CNTNAP4: variants seen among roughly 807,000 people sequenced by gnomAD.
The protein encoded by CNTNAP4 is contactin associated protein family member 4.
In CNTNAP4, 98 loss-of-function variants were observed where a neutral mutation model predicts 148.4. The observed-to-expected ratio is 0.66, with a 90% confidence interval of 0.56 to 0.78. The LOEUF (loss-of-function observed/expected upper bound fraction) is 0.78, where lower values mean the gene tolerates loss of function less well. Ranked by LOEUF, CNTNAP4 falls within the 30% of genes least tolerant of loss-of-function variation. The pLI is 0.00. For missense variants in CNTNAP4, 1,935 were observed against 1,565.6 expected, an observed-to-expected ratio of 1.24 and a Z score of -3.98; for synonymous variants, 730 against 565.1, an observed-to-expected ratio of 1.29 and a Z score of -4.14.
At chr16:76,478,660 G>A (rs747478349) in intron 11 of CNTNAP4, among the ~76,000 whole-genome samples, 4 of 152,142 alleles carry the variant, frequency 2.6e-5, no homozygotes, top group Non-Finnish European at 4.4e-5. Context: ...ATACACAAGT[G>A]TATTAATATG....
chr16:76,355,486 A>T lies in CNTNAP4; in HGVS notation c.365A>T (p.Gln122Leu). 1.2e-6 allele frequency: 2 copies of T among 1,609,732 alleles called. No individual in the cohort carries two copies. Among genetic ancestry groups the T allele is most frequent in the Non-Finnish European group, 1.7e-6 (2 of 1,178,150 alleles). The part of the protein sequence containing the change: ...MFSDSGWNWK[Q>L]YRQEDSIWGF... ...AGTGATAGTGGCTGGAACTGGAAACAATATCGCCAAGAGGACAGCATCTGG... is the reference window on the plus strand; with the variant it reads ...AGTGATAGTGGCTGGAACTGGAAACTATATCGCCAAGAGGACAGCATCTGG... Residue 122 changes from glutamine (Q) to leucine (L), a missense_variant, in exon 3 of 24, where the codon CAA (glutamine) becomes CTA (leucine). Physicochemically the swap from Gln to Leu is moderately radical, Grantham distance 113 (BLOSUM62 -2). Transcript: ENST00000611870.
intron 4 of CNTNAP4, among the ~76,000 whole-genome samples, chr16:76,446,942 A>G (rs983907058): frequency 3.3e-5 from 5 of 152,196 alleles, no homozygotes; most frequent in Non-Finnish European, 1.5e-5. Context: ...TTGATTGTGA[A>G]ATATGCAAAG....
At chr16:76,417,906 A>G (rs1197036691) in intron 3 of CNTNAP4, among the ~76,000 whole-genome samples, 1 of 151,662 alleles carries the variant, frequency 6.6e-6, no homozygotes, top group Non-Finnish European at 1.5e-5. Context: ...TCAATGCTTT[A>G]CATATTTTAC....
intron 3 of CNTNAP4, among the ~76,000 whole-genome samples, chr16:76,414,227 GC>G (rs2144940243): frequency 6.6e-6 from 1 of 151,278 alleles, no homozygotes; most frequent in South Asian, 2.1e-4. Flanking sequence ...TGCCTGCTGG[GC>G]TAAGAATTTT....
rs146323597 is a variant in CNTNAP4, at chr16:76,435,799, G to A, written c.538+8200G>A. Among the ~76,000 whole-genome samples the A allele has an allele frequency of 9.3e-3, 1,418 of 152,158 alleles. 15 individuals carry two copies. Among genetic ancestry groups the A allele is most frequent in the Non-Finnish European group, 0.014 (975 of 67,988 alleles). The stretch of plus-strand genomic sequence containing the variant: ...TTTCAGCTAACTAAGCAAATAAGCT[G>A]TTAGAACCTTTTTTAAAACTCCCTA... On this transcript the variant is annotated intron_variant, in intron 4 of 23. Coordinates refer to ENST00000611870, the MANE Select transcript of CNTNAP4 (RefSeq NM_033401.5).
chr16:76,440,829 G>T (rs2080009482), intron 4 of CNTNAP4, among the ~76,000 whole-genome samples: 1 of 152,088 alleles, frequency 6.6e-6, no homozygotes, highest in South Asian at 2.1e-4. Context: ...ATTTTTCTTA[G>T]TAATTCACTT....
In CNTNAP4 at chr16:76,342,565, G is replaced by A. The variant is rs936886383; in HGVS notation, c.197-12753G>A. 5.0e-5 allele frequency among the ~76,000 whole-genome samples: 7 copies of A among 140,180 alleles called. No individual in the cohort carries two copies. The East Asian group carries it at 6.5e-4, about 13-fold the overall frequency. 92.0% of individuals were successfully genotyped at this position (140,180 alleles called of 152,430 possible). On this transcript the variant is annotated intron_variant, in intron 2 of 23. Transcript: ENST00000611870. The stretch of plus-strand genomic sequence containing the variant: ...TCGGCTCACTGCAAGCTCCACCTCC[G>A]AGGTTCACACCATTCTCCTGTGTCA...
At chr16:76,355,556 A>T (rs777062840) in intron 3 of CNTNAP4, 45 bp downstream of exon 3, 1 of 1,440,284 alleles carries the variant, frequency 6.9e-7, no homozygotes, top group Non-Finnish European at 9.4e-7. Flanking sequence ...GAAAAAGTAT[A>T]ATCAGTACTG....
intron 14 of CNTNAP4, among the ~76,000 whole-genome samples, chr16:76,495,714 G>A (rs1220708088): frequency 2.0e-5 from 3 of 152,038 alleles, no homozygotes; most frequent in East Asian, 1.9e-4. Context: ...TATTTGTAAA[G>A]TGAAAATATT....
intron 2 of CNTNAP4, among the ~76,000 whole-genome samples, chr16:76,348,286 G>A (rs536884180): frequency 6.6e-6 from 1 of 151,942 alleles, no homozygotes; most frequent in African/African-American, 2.4e-5. Context: ...AAGGAGAATG[G>A]AAAATCAGTT....
chr16:76,532,815 G>A (rs2084043443), intron 17 of CNTNAP4, among the ~76,000 whole-genome samples: 1 of 152,126 alleles, frequency 6.6e-6, no homozygotes, highest in African/African-American at 2.4e-5. Flanking sequence ...TCACTGAGTT[G>A]AGTCAACAGA....
chr16:76,418,326 C>G (rs2079057719), intron 3 of CNTNAP4, among the ~76,000 whole-genome samples: 1 of 142,160 alleles, frequency 7.0e-6, no homozygotes, highest in Non-Finnish European at 1.6e-5. Context: ...TTTTCTTTTT[C>G]TTTTTCTATT....
Position 76,538,102 on chromosome 16 carries a change from A to G in CNTNAP4, c.2996-14A>G, listed in dbSNP as rs2084289572. Reference sequence around the variant, plus strand: ...TAAAATTTTTAACAAAAATATATATATATATTATTTCAGAGATTTCTGCAT... The same window carrying G: ...TAAAATTTTTAACAAAAATATATATGTATATTATTTCAGAGATTTCTGCAT... On this transcript the variant is annotated splice_polypyrimidine_tract_variant and intron_variant, in intron 18 of 23. Coordinates refer to ENST00000611870, the MANE Select transcript of CNTNAP4 (RefSeq NM_033401.5). 7.6e-6 allele frequency: 9 copies of G among 1,178,426 alleles called. No individual in the cohort carries two copies. The highest frequency in any genetic ancestry group is 1.0e-5 in the Non-Finnish European group (9 of 876,286). 73.0% of individuals were successfully genotyped at this position (1,178,426 alleles called of 1,614,324 possible).
intron 13 of CNTNAP4, among the ~76,000 whole-genome samples, chr16:76,493,096 G>A (rs2143814472): frequency 6.6e-6 from 1 of 152,230 alleles, no homozygotes; most frequent in Non-Finnish European, 1.5e-5. Flanking sequence ...GTGACCTCAT[G>A]ATTCGTGTGG....
chr16:76,343,470 C>A (rs1235851084), intron 2 of CNTNAP4, among the ~76,000 whole-genome samples: 2 of 152,106 alleles, frequency 1.3e-5, no homozygotes, highest in Admixed American at 6.5e-5. Flanking sequence ...TGATCTTTTT[C>A]TTGGCAAATC....
chr16:76,359,729 A>G (rs760022931), intron 3 of CNTNAP4, among the ~76,000 whole-genome samples: 18 of 152,228 alleles, frequency 1.2e-4, no homozygotes, highest in Non-Finnish European at 5.9e-5. Context: ...ATGAAAATTC[A>G]GAAAATGCAA....
intron 15 of CNTNAP4, among the ~76,000 whole-genome samples, chr16:76,500,523 G>C (rs1597748075): frequency 6.6e-6 from 1 of 152,038 alleles, no homozygotes; most frequent in South Asian, 2.1e-4. Context: ...ATTTCCTACT[G>C]TTAGGCCTGG....
intron 3 of CNTNAP4, among the ~76,000 whole-genome samples, chr16:76,382,429 G>A (rs1230574255): frequency 6.6e-6 from 1 of 152,050 alleles, no homozygotes. Flanking sequence ...TCTTGCTAAT[G>A]ACAGCCATTT....
chr16:76,544,628 A>C (rs571803118), intron 21 of CNTNAP4, among the ~76,000 whole-genome samples: 1 of 152,164 alleles, frequency 6.6e-6, no homozygotes. Context: ...AGCAGACTAC[A>C]TTGCATTTGC....
Sources: gnomAD v4.1 joint callset for allele counts (sites outside exome capture counted in the v4.1 genomes callset) on GRCh38, gnomAD v4.1.1 for gene constraint, MANE v1.5 for transcripts, NCBI Gene and HGNC (gene_info 2026-07-23, HGNC 2026-07-21) for gene names.